The following ZNF562 variants were observed in gnomAD, a reference collection of about 807,000 sequenced individuals.
The protein encoded by ZNF562 is zinc finger protein 562.
A neutral mutation model predicts 17.5 loss-of-function variants in ZNF562; 13 were observed. That is an observed-to-expected ratio of 0.74 (90% CI 0.48 to 1.18). The LOEUF (loss-of-function observed/expected upper bound fraction) is 1.18. Ranked by LOEUF, ZNF562 falls within the 50% of genes most tolerant of loss-of-function variation. The pLI is 0.00. For synonymous variants in ZNF562, 163 were observed against 165.4 expected, an observed-to-expected ratio of 0.99 and a Z score of 0.11; for missense variants, 481 against 498.5, an observed-to-expected ratio of 0.96 and a Z score of 0.33.
At chr19:9,668,661 A>G (rs990879141) in intron 1 of ZNF562, among the ~76,000 whole-genome samples, 1 of 152,168 alleles carries the variant, frequency 6.6e-6, no homozygotes, top group Non-Finnish European at 1.5e-5. Context: ...CCAAAGAAAT[A>G]CTGAACAAAA....
At chr19:9,654,446 C>T (rs2043384023) in intron 5 of ZNF562, among the ~76,000 whole-genome samples, 1 of 151,974 alleles carries the variant, frequency 6.6e-6, no homozygotes, top group African/African-American at 2.4e-5. Context: ...ATGCATCATC[C>T]AATTTTTTGA....
chr19:9,652,888 T>C lies in ZNF562; in HGVS notation c.*61A>G, dbSNP rs2074891302. On this transcript the variant is annotated 3_prime_UTR_variant, in exon 6 of 6. Coordinates refer to ENST00000453372, the MANE Select transcript of ZNF562 (RefSeq NM_001130031.2). ...ATTCTTTACATACAAAAGGTTTCTCTCTGGTAGGAGTTCACAGGTGGGGTG... is the reference window on the plus strand; with the variant it reads ...ATTCTTTACATACAAAAGGTTTCTCCCTGGTAGGAGTTCACAGGTGGGGTG... The C allele has an allele frequency of 1.4e-6, 2 of 1,424,716 alleles. No individual in the cohort carries two copies. Among genetic ancestry groups the C allele is most frequent in the African/African-American group, 2.9e-5 (2 of 70,150 alleles). The allele number at this position is 1,424,716 out of a possible 1,614,324, so 88.3% of individuals were successfully genotyped here.
chr19:9,653,578 T>C lies in ZNF562; in HGVS notation c.652A>G (p.Ser218Gly), dbSNP rs139348960. 1 of 1,614,176 alleles carries C rather than the reference T, an allele frequency of 6.2e-7. No homozygotes were observed. The highest frequency in any genetic ancestry group is 1.3e-5 in the African/African-American group (1 of 75,070). ...ECGKGFKYFASLDNHMGIHIG... is the reference protein window; with the variant it reads ...ECGKGFKYFAGLDNHMGIHIG... ...TGGATTCCCATGTGATTATCAAGGC[T>C]TGCAAAATACTTAAAGCCTTTTCCA... Residue 218 changes from serine (S) to glycine (G), a missense_variant, in exon 6 of 6, where the codon AGC becomes GGC. Physicochemically the swap from Ser to Gly is moderately conservative, Grantham distance 56 (BLOSUM62 0). This residue lies in a region of ZNF562 where 403 missense variants were observed against 386.4 expected (regional missense o/e 1.04). Transcript: ENST00000453372.
intron 1 of ZNF562, among the ~76,000 whole-genome samples, chr19:9,663,772 G>A (rs2043846971): frequency 6.6e-6 from 1 of 151,952 alleles, no homozygotes; most frequent in South Asian, 2.1e-4. Context: ...CGCCTCCCAG[G>A]TTCAAGCGAT....
rs1385067727 is a variant in ZNF562 at position 9,646,651 on chromosome 19, G to T, written c.*6298C>A. 1.3e-5 allele frequency: 2 copies of T among 151,976 alleles called. No homozygotes were observed. The highest frequency in any genetic ancestry group is 4.8e-5 in the African/African-American group (2 of 41,372). 9.4% of individuals were successfully genotyped at this position (151,976 alleles called of 1,614,324 possible). Reference sequence around the variant, plus strand: ...TTATTCCAGAATGCAAAAGGAGACTGAAGTTATACAACCAGCAAAAATGAA... The same window carrying T: ...TTATTCCAGAATGCAAAAGGAGACTTAAGTTATACAACCAGCAAAAATGAA... On this transcript the variant is annotated 3_prime_UTR_variant, in exon 6 of 6. Transcript: ENST00000453372.
At chr19:9,663,069 A>G (rs779062334) in intron 1 of ZNF562, among the ~76,000 whole-genome samples, 1 of 151,734 alleles carries the variant, frequency 6.6e-6, no homozygotes, top group Non-Finnish European at 1.5e-5. Flanking sequence ...TTGGTACACA[A>G]CTAATGTAGA....
intron 5 of ZNF562, among the ~76,000 whole-genome samples, chr19:9,656,186 C>G (rs2043476572): frequency 6.6e-6 from 1 of 152,142 alleles, no homozygotes; most frequent in South Asian, 2.1e-4. Context: ...GAATGGAATT[C>G]TCAATCTTTT....
chr19:9,667,198 C>A (rs1487209966), intron 1 of ZNF562, among the ~76,000 whole-genome samples: 2 of 152,096 alleles, frequency 1.3e-5, no homozygotes, highest in African/African-American at 4.8e-5. Context: ...CGTAGAAATA[C>A]AAGGATGGTT....
Position 9,645,970 on chromosome 19 carries a change from A to C in ZNF562, c.*6979T>G, listed in dbSNP as rs2074803502. On this transcript the variant is annotated 3_prime_UTR_variant, in exon 6 of 6. Coordinates refer to ENST00000453372, the MANE Select transcript of ZNF562 (RefSeq NM_001130031.2). Reference sequence around the variant, plus strand: ...GAACACAATGAAACAAACAAAAAAAATTAGATGCTAGAAATTAATCCAAAT... The same window carrying C: ...GAACACAATGAAACAAACAAAAAAACTTAGATGCTAGAAATTAATCCAAAT... 6.6e-6 allele frequency: 1 copy of C among 152,230 alleles called. No individual in the cohort carries two copies. The highest frequency in any genetic ancestry group is 2.4e-5 in the African/African-American group (1 of 41,458). The allele number at this position is 152,230 out of a possible 1,614,324, so 9.4% of individuals were successfully genotyped here.
In ZNF562 at chr19:9,644,128, A is replaced by T. The variant is rs1363826494; in HGVS notation, c.*8821T>A. On this transcript the variant is annotated 3_prime_UTR_variant, in exon 6 of 6. Coordinates refer to ENST00000453372, the MANE Select transcript of ZNF562 (RefSeq NM_001130031.2). Reference sequence around the variant, plus strand: ...GAATTTGTACCAATATTCATTACCAATATAATTCTGTAGTTTTTAATGACT... The same window carrying T: ...GAATTTGTACCAATATTCATTACCATTATAATTCTGTAGTTTTTAATGACT... The T allele has an allele frequency of 6.6e-6, 1 of 152,028 alleles. No homozygotes were observed. The highest frequency in any genetic ancestry group is 1.5e-5 in the Non-Finnish European group (1 of 68,016). The allele number at this position is 152,028 out of a possible 1,614,324, so 9.4% of individuals were successfully genotyped here.
chr19:9,667,216 T>A (rs893885418), intron 1 of ZNF562, among the ~76,000 whole-genome samples: 1 of 152,170 alleles, frequency 6.6e-6, no homozygotes, highest in East Asian at 1.9e-4. Context: ...GTTCAACATA[T>A]GCAAATCAAT....
At chr19:9,657,063 A>G (rs1283498793) in intron 4 of ZNF562, among the ~76,000 whole-genome samples, 1 of 149,674 alleles carries the variant, frequency 6.7e-6, no homozygotes, top group Non-Finnish European at 1.5e-5. Context: ...AAAAAAGAAA[A>G]CAAGAGAACC....
chr19:9,665,257 G>A lies in ZNF562; in HGVS notation c.-130-4383C>T, dbSNP rs532239537. Reference sequence around the variant, plus strand: ...AAAAAGCAGTTTCTGTGGCTACAACGAAGTGAAAAAAACTCCAAGGAGATG... The same window carrying A: ...AAAAAGCAGTTTCTGTGGCTACAACAAAGTGAAAAAAACTCCAAGGAGATG... On this transcript the variant is annotated intron_variant, in intron 1 of 5. Coordinates refer to ENST00000453372, the MANE Select transcript of ZNF562 (RefSeq NM_001130031.2). Among the ~76,000 whole-genome samples, 109 of 148,476 alleles carry A rather than the reference G, an allele frequency of 7.3e-4. No homozygotes were observed. In the Middle Eastern group the frequency reaches 0.014, roughly 19 times the overall value.
chr19:9,654,547 C>T (rs188152712), intron 5 of ZNF562, among the ~76,000 whole-genome samples: 108 of 152,112 alleles, frequency 7.1e-4, no homozygotes, highest in Non-Finnish European at 9.7e-4. Flanking sequence ...CTGCAACCTC[C>T]GCCTCCTGGG....
chr19:9,652,984 T>C lies in ZNF562; in HGVS notation c.1246A>G (p.Ser416Gly). 2.0e-6 allele frequency: 3 copies of C among 1,514,730 alleles called. No homozygotes were observed. The highest frequency in any genetic ancestry group is 2.6e-6 in the Non-Finnish European group (3 of 1,132,748). The allele number at this position is 1,514,730 out of a possible 1,614,324, so 93.8% of individuals were successfully genotyped here. Residue 416 changes from serine (S) to glycine (G), a missense_variant, in exon 6 of 6, where the codon AGT (serine) becomes GGT (glycine). Ser to Gly is a moderately conservative substitution (Grantham distance 56). Around this residue, in one of 2 missense-constraint regions of ZNF562, gnomAD observed 78 missense variants for 112.0 expected, o/e 0.70. Coordinates refer to ENST00000453372, the MANE Select transcript of ZNF562 (RefSeq NM_001130031.2). ...CCACTGTGAGTTTTCAAATGTTTAC[T>C]ACGATGGGAAGAAGTAATGAAGGTC... The part of the protein sequence containing the change: ...GKTFITSSHR[S>G]KHLKTHSGER
chr19:9,672,968 T>A (rs2044254471), intron 1 of ZNF562, among the ~76,000 whole-genome samples: 3 of 152,032 alleles, frequency 2.0e-5, no homozygotes, highest in Admixed American at 2.0e-4. Context: ...GCCTGTAAAC[T>A]TCCTTGTTCT....
chr19:9,673,825 G>A (rs1035943877), intron 1 of ZNF562, among the ~76,000 whole-genome samples: 3 of 152,008 alleles, frequency 2.0e-5, no homozygotes, highest in African/African-American at 7.2e-5. Flanking sequence ...GGCCAACATG[G>A]TGAAACCCCA....
intron 5 of ZNF562, 111 bp from the exon 6 acceptor site, chr19:9,653,992 ATTTT>A (rs57141679): frequency 2.0e-5 from 20 of 1,007,190 alleles, no homozygotes; most frequent in East Asian, 3.2e-5. Context: ...TTAATGTTTA[ATTTT>A]TTTTTTTTTT....
rs2074802863 is a variant in ZNF562 at position 9,645,912 on chromosome 19, A to G, written c.*7037T>C. The G allele has an allele frequency of 6.6e-6, 1 of 152,228 alleles. No individual in the cohort carries two copies. The highest frequency in any genetic ancestry group is 2.1e-4 in the South Asian group (1 of 4,832). 9.4% of individuals were successfully genotyped at this position (152,228 alleles called of 1,614,324 possible). On this transcript the variant is annotated 3_prime_UTR_variant, in exon 6 of 6. Coordinates refer to ENST00000453372, the MANE Select transcript of ZNF562 (RefSeq NM_001130031.2). Reference sequence around the variant, plus strand: ...AAACATCAAGAATAAAATAAATTAAAGGTATGATCAATACACATCAGTACA... The same window carrying G: ...AAACATCAAGAATAAAATAAATTAAGGGTATGATCAATACACATCAGTACA...
Sources: allele counts gnomAD v4.1 joint callset (sites outside exome capture counted in the v4.1 genomes callset), GRCh38; gene constraint gnomAD v4.1.1; regional missense constraint gnomAD v4.1.1; transcripts MANE v1.5; gene names NCBI Gene and HGNC (gene_info 2026-07-23, HGNC 2026-07-21).